Variants in NBEA observed in about 807,000 individuals in gnomAD.
NBEA encodes the protein neurobeachin, also known as lysosomal-trafficking regulator 2.
In NBEA, 44 loss-of-function variants were observed where a neutral mutation model predicts 343.4. The ratio of observed to expected loss-of-function variants is 0.13; its 90% CI spans 0.10 to 0.16. The LOEUF (loss-of-function observed/expected upper bound fraction) is 0.16. NBEA is among the 10% of genes least tolerant of loss of function. The pLI, the probability that NBEA is intolerant of heterozygous loss-of-function variation, is 1.00. For missense variants in NBEA, 2,555 were observed against 3,631.3 expected (o/e 0.70, Z 7.62); for synonymous variants, 1,175 against 1,238.7 (o/e 0.95, Z 1.08).
chr13:35,056,301 G>T lies in NBEA; in HGVS notation c.1092+172G>T, dbSNP rs145381252. 2.1e-3 allele frequency among the ~76,000 whole-genome samples: 316 copies of T among 151,834 alleles called. 2 individuals carry two copies. The highest frequency in any genetic ancestry group is 7.2e-3 in the African/African-American group (300 of 41,416). On this transcript the variant is annotated intron_variant, in intron 7 of 58. Coordinates refer to ENST00000379939, the MANE Select transcript of NBEA (RefSeq NM_001385012.1). ...ATTTAGTATAAGAAAATTTCTAAAAGACATGATTAGTGATTAAAAAAACAG... is the reference window on the plus strand; with the variant it reads ...ATTTAGTATAAGAAAATTTCTAAAATACATGATTAGTGATTAAAAAAACAG...
At chr13:35,420,619 C>A (rs2044212922) in intron 38 of NBEA, among the ~76,000 whole-genome samples, 1 of 151,922 alleles carries the variant, frequency 6.6e-6, no homozygotes, top group Admixed American at 6.6e-5. Flanking sequence ...TAATAAAATT[C>A]TTCAGTGAAA....
intron 38 of NBEA, among the ~76,000 whole-genome samples, chr13:35,384,557 G>A (rs1254305826): frequency 3.7e-5 from 5 of 133,666 alleles, no homozygotes; most frequent in African/African-American, 1.2e-4. Flanking sequence ...AGGGAGTCTC[G>A]CTCTGTCATC....
chr13:35,396,659 TTCC>T (rs2042760336), intron 38 of NBEA, among the ~76,000 whole-genome samples: 2 of 152,096 alleles, frequency 1.3e-5, no homozygotes, highest in Non-Finnish European at 2.9e-5. Context: ...AACTCACCAA[TTCC>T]TCCAAATTTT....
chr13:35,373,588 C>T (rs963736264), intron 38 of NBEA, among the ~76,000 whole-genome samples: 5 of 151,432 alleles, frequency 3.3e-5, no homozygotes, highest in African/African-American at 1.2e-4. Context: ...GCCTGTAGTC[C>T]CAGCTATTCA....
At chr13:35,473,318 C>T (rs2075735585) in intron 41 of NBEA, among the ~76,000 whole-genome samples, 2 of 152,282 alleles carry the variant, frequency 1.3e-5, no homozygotes, top group African/African-American at 4.8e-5. Flanking sequence ...CATGAAGTGT[C>T]ATGCTAGAAA....
chr13:34,976,563 C>A (rs1326271697), intron 1 of NBEA, among the ~76,000 whole-genome samples: 2 of 151,876 alleles, frequency 1.3e-5, no homozygotes, highest in African/African-American at 4.8e-5. Flanking sequence ...TCTCTGAAAA[C>A]CTATTGAAAT....
intron 45 of NBEA, among the ~76,000 whole-genome samples, chr13:35,570,851 T>C (rs1478083160): frequency 6.6e-6 from 1 of 152,138 alleles, no homozygotes; most frequent in Non-Finnish European, 1.5e-5. Flanking sequence ...AGTATAATAA[T>C]ATAATTGGAA....
intron 13 of NBEA, among the ~76,000 whole-genome samples, chr13:35,113,992 T>G (rs2066368249): frequency 6.6e-6 from 1 of 152,192 alleles, no homozygotes; most frequent in Non-Finnish European, 1.5e-5. Flanking sequence ...AATACTATTT[T>G]ACTTTCTGAA....
chr13:35,102,346 GAGT>G (rs372420702), intron 11 of NBEA, among the ~76,000 whole-genome samples: 46 of 151,842 alleles, frequency 3.0e-4, no homozygotes, highest in African/African-American at 1.1e-3. Context: ...TGATATTTAA[GAGT>G]ATGTCATCTA....
chr13:35,643,403 G>A (rs1276434183), intron 49 of NBEA, among the ~76,000 whole-genome samples: 1 of 152,068 alleles, frequency 6.6e-6, no homozygotes, highest in African/African-American at 2.4e-5. Context: ...GTATCCCTTG[G>A]CATAGAGTAA....
At chr13:35,216,123 C>T (rs552720815) in intron 33 of NBEA, among the ~76,000 whole-genome samples, 16 of 151,266 alleles carry the variant, frequency 1.1e-4, no homozygotes, top group African/African-American at 3.6e-4. Flanking sequence ...ATTATGATTT[C>T]CCCCCAAAAA....
At chr13:34,958,773 T>C (rs1056950857) in intron 1 of NBEA, among the ~76,000 whole-genome samples, 3 of 152,132 alleles carry the variant, frequency 2.0e-5, no homozygotes, top group African/African-American at 7.2e-5. Flanking sequence ...TGCAGTCTCA[T>C]AAAATTTGAT....
At chr13:35,440,296 C>G (rs1207655963) in intron 39 of NBEA, among the ~76,000 whole-genome samples, 2 of 152,146 alleles carry the variant, frequency 1.3e-5, no homozygotes, top group African/African-American at 4.8e-5. Flanking sequence ...GATGGTATTT[C>G]CAAATCATTT....
intron 1 of NBEA, among the ~76,000 whole-genome samples, chr13:35,018,872 T>C (rs1036823487): frequency 2.6e-5 from 4 of 152,212 alleles, no homozygotes; most frequent in Non-Finnish European, 5.9e-5. Flanking sequence ...TGATGTTAGC[T>C]ATAGGTTTTT....
At chr13:35,348,156 G>A (rs1357923232) in intron 36 of NBEA, among the ~76,000 whole-genome samples, 1 of 152,054 alleles carries the variant, frequency 6.6e-6, no homozygotes, top group African/African-American at 2.4e-5. Context: ...TGTTGTTGCA[G>A]CCATCTTTGG....
At chr13:35,600,248 G>T (rs2081988664) in intron 47 of NBEA, among the ~76,000 whole-genome samples, 2 of 152,166 alleles carry the variant, frequency 1.3e-5, no homozygotes, top group African/African-American at 2.4e-5. Context: ...GAAACCAAAT[G>T]CCTTTTTAAA....
At chr13:35,657,827 T>C (rs2084891080) in intron 55 of NBEA, among the ~76,000 whole-genome samples, 2 of 152,130 alleles carry the variant, frequency 1.3e-5, no homozygotes, top group Admixed American at 1.3e-4. Context: ...AGCCCAGAAA[T>C]GATGCAAGTG....
intron 34 of NBEA, among the ~76,000 whole-genome samples, chr13:35,289,480 A>C (rs2035657033): frequency 6.6e-6 from 1 of 151,872 alleles, no homozygotes. Context: ...CTATGTTGGC[A>C]CTTCGAAAAA....
intron 41 of NBEA, among the ~76,000 whole-genome samples, chr13:35,504,450 T>C (rs949406239): frequency 1.1e-4 from 17 of 152,306 alleles, no homozygotes; most frequent in Middle Eastern, 3.4e-3. Flanking sequence ...GCTGCCACAG[T>C]TGAGACCGTT....
Sources: gnomAD v4.1 joint callset for allele counts (sites outside exome capture counted in the v4.1 genomes callset) on GRCh38, gnomAD v4.1.1 for gene constraint, MANE v1.5 for transcripts, NCBI Gene and HGNC (gene_info 2026-07-23, HGNC 2026-07-21) for gene names.